Variants in CLASP1 observed in about 807,000 individuals in gnomAD.
CLASP1 encodes the protein cytoplasmic linker associated protein 1.
CLASP1 carries 38 observed loss-of-function variants against 192.3 expected under a neutral mutation model. That is an observed-to-expected ratio of 0.20 (90% CI 0.15 to 0.26). CLASP1 has a LOEUF of 0.26. CLASP1 is among the 10% of genes least tolerant of loss of function. CLASP1 has a pLI of 1.00. For missense variants in CLASP1, 1,433 were observed against 1,932.5 expected, an observed-to-expected ratio of 0.74 and a Z score of 4.85; for synonymous variants, 691 against 712.8, an observed-to-expected ratio of 0.97 and a Z score of 0.49.
In CLASP1 at chr2:121,500,048, T is replaced by C. The variant is rs552012358; in HGVS notation, c.712+3119A>G. On this transcript the variant is annotated intron_variant, in intron 8 of 39. Coordinates refer to ENST00000263710, the Ensembl canonical transcript of CLASP1. ...TATCTGAAAGAGATAAAACTGTTCCTATTTGCAGATGACAAGACTGTATAT... is the reference window on the plus strand; with the variant it reads ...TATCTGAAAGAGATAAAACTGTTCCCATTTGCAGATGACAAGACTGTATAT... Among the ~76,000 whole-genome samples, 124 of 152,230 alleles carry C rather than the reference T, an allele frequency of 8.1e-4. 1 individual carries two copies. The highest frequency in any genetic ancestry group is 1.7e-3 in the Non-Finnish European group (113 of 68,018).
chr2:121,537,603 G>C (rs1201295626), intron 2 of CLASP1, among the ~76,000 whole-genome samples: 1 of 152,094 alleles, frequency 6.6e-6, no homozygotes, highest in Non-Finnish European at 1.5e-5. Flanking sequence ...CAACAATAAA[G>C]AAATGCATCA....
intron 24 of CLASP1, chr2:121,409,005 A>G: frequency 6.4e-7 from 1 of 1,553,012 alleles, no homozygotes; most frequent in Non-Finnish European, 8.7e-7. Flanking sequence ...TTGTAAAACA[A>G]AAGTTAAAGG....
rs558536163 is a variant in CLASP1, at chr2:121,507,395, C to G, written c.645-4161G>C. On this transcript the variant is annotated intron_variant, in intron 7 of 39. Coordinates refer to ENST00000263710, the Ensembl canonical transcript of CLASP1. ...TCAGTCAAATGATACCATATCCTAC[C>G]TAAGTAACAGAAACAAACAAAAACA... Among the ~76,000 whole-genome samples the G allele has an allele frequency of 2.6e-5, 4 of 152,126 alleles. No individual in the cohort carries two copies. The East Asian group carries it at 7.7e-4, about 29-fold the overall frequency.
chr2:121,340,765 T>C (rs1045971514), exon 40 of CLASP1: 2 of 891,660 alleles, frequency 2.2e-6, no homozygotes, highest in African/African-American at 1.7e-5. Context: ...GTGGGCCTCC[T>C]TGTACTGACT....
chr2:121,565,303 T>C (rs2059409452), intron 2 of CLASP1, among the ~76,000 whole-genome samples: 2 of 151,890 alleles, frequency 1.3e-5, no homozygotes, highest in South Asian at 4.2e-4. Flanking sequence ...CCAAGGAGGG[T>C]CTCAGTAAAC....
chr2:121,531,138 GTTTTTGCGGTGAT>G, intron 2 of CLASP1: 1 of 612,510 alleles, frequency 1.6e-6, no homozygotes, highest in Non-Finnish European at 3.0e-6. Context: ...AGTTCTTTCA[GTTTTTGCGGTGAT>G]TAAACGGGAA....
chr2:121,474,240 A>T (rs898983910), intron 8 of CLASP1, among the ~76,000 whole-genome samples: 2 of 152,214 alleles, frequency 1.3e-5, no homozygotes, highest in African/African-American at 4.8e-5. Context: ...TGACACACAC[A>T]AAACTATACA....
intron 2 of CLASP1, among the ~76,000 whole-genome samples, chr2:121,588,173 CAAAA>C (rs397769809): frequency 0.066 from 4,000 of 60,714 alleles, 45 homozygotes; most frequent in East Asian, 0.2. Context: ...GACTCCGTCT[CAAAA>C]AAAAAAAAAA....
chr2:121,445,764 TATC>T (rs1168431675), intron 19 of CLASP1, among the ~76,000 whole-genome samples: 1 of 152,176 alleles, frequency 6.6e-6, no homozygotes, highest in Non-Finnish European at 1.5e-5. Context: ...AGCTCCATAT[TATC>T]ATACCAAAAG....
intron 6 of CLASP1, among the ~76,000 whole-genome samples, chr2:121,525,399 C>T (rs1040668710): frequency 2.6e-5 from 4 of 152,076 alleles, no homozygotes; most frequent in Non-Finnish European, 4.4e-5. Flanking sequence ...ACAGTGGAGC[C>T]ACCCCCCAAA....
In CLASP1 at chr2:121,536,378, G is replaced by GAAAA. The variant is rs59632661; in HGVS notation, c.196-6057_196-6054dup. ...CCTGGGCGACAGAGCAAGACTGTCT[G>GAAAA]AAAAAAAAAAAAAAAAAAAAAAAAG... is the stretch of plus-strand genomic sequence containing the variant. On this transcript the variant is annotated intron_variant, in intron 2 of 39. Coordinates refer to ENST00000263710, the Ensembl canonical transcript of CLASP1. 4.1e-3 allele frequency among the ~76,000 whole-genome samples: 198 copies of GAAAA among 48,268 alleles called. 9 individuals carry two copies. The highest frequency in any genetic ancestry group is 0.015 in the African/African-American group (170 of 11,634). 31.7% of individuals were successfully genotyped at this position (48,268 alleles called of 152,430 possible).
chr2:121,566,072 C>A (rs1301811770), intron 2 of CLASP1, among the ~76,000 whole-genome samples: 2 of 152,212 alleles, frequency 1.3e-5, no homozygotes, highest in Admixed American at 6.5e-5. Context: ...CTCCAGCACC[C>A]TTCTCACATT....
chr2:121,611,318 T>A (rs1186989553), intron 1 of CLASP1, among the ~76,000 whole-genome samples: 1 of 89,272 alleles, frequency 1.1e-5, no homozygotes, highest in Non-Finnish European at 2.2e-5. Context: ...AAAGAGGAAC[T>A]GGAGGAGGAA....
chr2:121,513,221 A>T (rs562678726), intron 7 of CLASP1: 1 of 152,288 alleles, frequency 6.6e-6, no homozygotes, highest in African/African-American at 2.4e-5. Context: ...TTCTCTCACT[A>T]GAGTAAGGTT....
intron 1 of CLASP1, among the ~76,000 whole-genome samples, chr2:121,618,685 T>A (rs1053978487): frequency 7.2e-5 from 11 of 152,298 alleles, no homozygotes; most frequent in Middle Eastern, 3.4e-3. Flanking sequence ...GCAAAAATAA[T>A]ATAAAAAGTG....
chr2:121,506,474 A>G (rs771883916), intron 7 of CLASP1, among the ~76,000 whole-genome samples: 6 of 151,898 alleles, frequency 4.0e-5, no homozygotes, highest in South Asian at 2.1e-4. Context: ...GGGGCAAAGA[A>G]GCTGACCAAA....
intron 8 of CLASP1, among the ~76,000 whole-genome samples, chr2:121,502,699 C>T (rs1228380542): frequency 2.6e-5 from 4 of 152,112 alleles, no homozygotes; most frequent in Non-Finnish European, 5.9e-5. Context: ...TGAATTGTAG[C>T]CTGGGTGTGA....
intron 30 of CLASP1, among the ~76,000 whole-genome samples, chr2:121,395,499 C>T (rs1473181755): frequency 6.6e-6 from 1 of 152,196 alleles, no homozygotes; most frequent in African/African-American, 2.4e-5. Flanking sequence ...AAAACAGTCT[C>T]CTTACTGCTC....
At chr2:121,581,274 T>TTTTTTTTTTTTTTTTTTTTTC in intron 2 of CLASP1, among the ~76,000 whole-genome samples, 1 of 131,814 alleles carries the variant, frequency 7.6e-6, no homozygotes, top group African/African-American at 3.1e-5. Flanking sequence ...TTTTTTTTTT[T>TTTTTTTTTTTTTTTTTTTTTC]TTTTTTTTTT....
Sources: allele counts gnomAD v4.1 joint callset (sites outside exome capture counted in the v4.1 genomes callset), GRCh38; gene constraint gnomAD v4.1.1; transcripts MANE v1.5; gene names NCBI Gene and HGNC (gene_info 2026-07-23, HGNC 2026-07-21).